Variants in PLPPR1 observed in about 807,000 individuals in gnomAD.
PLPPR1 encodes the protein phospholipid phosphatase related 1, also known as phospholipid phosphatase-related protein type 1.
PLPPR1 carries 10 observed loss-of-function variants against 33.1 expected under a neutral mutation model. The ratio of observed to expected loss-of-function variants is 0.30; its 90% CI spans 0.19 to 0.51. PLPPR1 has a LOEUF of 0.51. Ranked by LOEUF, PLPPR1 falls within the 20% of genes least tolerant of loss-of-function variation. The pLI is 0.97. For missense variants in PLPPR1, 304 were observed against 408.1 expected (o/e 0.74, Z 2.20); for synonymous variants, 151 against 151.0 (o/e 1.00, Z 0.00).
intron 7 of PLPPR1, among the ~76,000 whole-genome samples, chr9:101,321,724 G>A (rs917368730): frequency 2.7e-5 from 4 of 148,270 alleles, no homozygotes; most frequent in African/African-American, 9.8e-5. Context: ...TTCCCCATGG[G>A]GGAAAAATAT....
At chr9:101,211,973 G>A (rs1161890647) in intron 2 of PLPPR1, among the ~76,000 whole-genome samples, 1 of 152,126 alleles carries the variant, frequency 6.6e-6, no homozygotes, top group Non-Finnish European at 1.5e-5. Flanking sequence ...ACAGCTAATG[G>A]TAAAGTTAGG....
intron 3 of PLPPR1, among the ~76,000 whole-genome samples, chr9:101,285,106 T>C (rs1828369818): frequency 6.6e-6 from 1 of 152,180 alleles, no homozygotes; most frequent in African/African-American, 2.4e-5. Context: ...GAAAAGACTA[T>C]GCTGAAGTGC....
Position 101,266,261 on chromosome 9 carries a change from T to C in PLPPR1, c.64-3619T>C, listed in dbSNP as rs140423625. Among the ~76,000 whole-genome samples, 48 of 151,738 alleles carry C rather than the reference T, an allele frequency of 3.2e-4. No homozygotes were observed. The East Asian group carries it at 7.6e-3, about 24-fold the overall frequency. On this transcript the variant is annotated intron_variant, in intron 2 of 7. Transcript: ENST00000374874. ...GGTCAACATGATGAAACCTTGTCTC[T>C]ACTAAAAATACAAAAAATTAGCCAG...
At chr9:101,068,292 C>T (rs1257816534) in intron 1 of PLPPR1, among the ~76,000 whole-genome samples, 1 of 151,880 alleles carries the variant, frequency 6.6e-6, no homozygotes, top group African/African-American at 2.4e-5. Context: ...GATAACACTC[C>T]AGTGTCAGTA....
chr9:101,257,241 C>G (rs541791330), intron 2 of PLPPR1, among the ~76,000 whole-genome samples: 63 of 152,286 alleles, frequency 4.1e-4, no homozygotes, highest in African/African-American at 1.5e-3. Flanking sequence ...CACACTCCCT[C>G]TTCTTTCCCA....
chr9:101,160,609 A>G (rs1831760464), intron 1 of PLPPR1, among the ~76,000 whole-genome samples: 1 of 152,148 alleles, frequency 6.6e-6, no homozygotes. Flanking sequence ...GTGTTAAAAT[A>G]ATTTTGTTTA....
chr9:101,321,064 T>G (rs1438240565), intron 7 of PLPPR1, among the ~76,000 whole-genome samples: 1 of 152,220 alleles, frequency 6.6e-6, no homozygotes, highest in Non-Finnish European at 1.5e-5. Context: ...AGAACTTCCC[T>G]TGCAACTCCA....
chr9:101,097,043 C>T (rs1460111213), intron 1 of PLPPR1, among the ~76,000 whole-genome samples: 2 of 152,164 alleles, frequency 1.3e-5, no homozygotes, highest in South Asian at 2.1e-4. Context: ...ATGTGTATCA[C>T]CCACATGAAT....
At chr9:101,314,462 A>T in intron 6 of PLPPR1, among the ~76,000 whole-genome samples, 1 of 152,226 alleles carries the variant, frequency 6.6e-6, no homozygotes, top group East Asian at 1.9e-4. Flanking sequence ...TCTCAGAGAT[A>T]ATGCAGCTTT....
chr9:101,238,265 CCCTATATATACAT>C (rs1827366761), intron 2 of PLPPR1, among the ~76,000 whole-genome samples: 2 of 133,406 alleles, frequency 1.5e-5, no homozygotes, highest in African/African-American at 5.5e-5. Context: ...TATATATACA[CCCTATATATACAT>C]CCTATATACA....
chr9:101,141,627 G>C (rs927059280), intron 1 of PLPPR1, among the ~76,000 whole-genome samples: 1 of 152,222 alleles, frequency 6.6e-6, no homozygotes, highest in South Asian at 2.1e-4. Flanking sequence ...ATTGAACAAG[G>C]CTTAGAAAAG....
chr9:101,129,343 AC>A (rs1251667147), intron 1 of PLPPR1, among the ~76,000 whole-genome samples: 9 of 152,192 alleles, frequency 5.9e-5, no homozygotes, highest in Non-Finnish European at 1.2e-4. Context: ...GCACCATATG[AC>A]CCAGCCATTC....
intron 1 of PLPPR1, among the ~76,000 whole-genome samples, chr9:101,139,158 AAATT>A (rs1831415341): frequency 6.6e-6 from 1 of 152,198 alleles, no homozygotes; most frequent in African/African-American, 2.4e-5. Flanking sequence ...ACCCATTGCA[AAATT>A]AATTAGTTTG....
intron 4 of PLPPR1, among the ~76,000 whole-genome samples, chr9:101,302,785 C>T (rs891409384): frequency 3.3e-5 from 5 of 152,086 alleles, no homozygotes; most frequent in Admixed American, 6.6e-5. Context: ...TGGGAGGGCA[C>T]GTTTTCTCAT....
At chr9:101,317,534 C>A in intron 7 of PLPPR1, 38 bp downstream of exon 7, 1 of 1,596,442 alleles carries the variant, frequency 6.3e-7, no homozygotes, top group South Asian at 1.1e-5. Context: ...AACCCACAGG[C>A]TGAACACTTT....
At chr9:101,319,864 G>A (rs966175422) in intron 7 of PLPPR1, among the ~76,000 whole-genome samples, 1 of 152,132 alleles carries the variant, frequency 6.6e-6, no homozygotes, top group Non-Finnish European at 1.5e-5. Flanking sequence ...ACCAGTCTCT[G>A]TGTCCTTGTA....
intron 2 of PLPPR1, among the ~76,000 whole-genome samples, chr9:101,199,681 A>T (rs1479631939): frequency 6.6e-6 from 1 of 152,218 alleles, no homozygotes; most frequent in Admixed American, 6.5e-5. Context: ...GGACTGAGAC[A>T]CAGAAAAATA....
intron 2 of PLPPR1, among the ~76,000 whole-genome samples, chr9:101,224,726 G>A (rs1046025855): frequency 6.6e-6 from 1 of 152,166 alleles, no homozygotes; most frequent in Non-Finnish European, 1.5e-5. Flanking sequence ...CTCCATGTCT[G>A]TGGGTTTTCT....
intron 1 of PLPPR1, among the ~76,000 whole-genome samples, chr9:101,068,162 T>G (rs1192132582): frequency 6.6e-6 from 1 of 152,138 alleles, no homozygotes; most frequent in African/African-American, 2.4e-5. Context: ...GTCCTTATTC[T>G]AGGACCTTAC....
Sources: gnomAD v4.1 joint callset for allele counts (sites outside exome capture counted in the v4.1 genomes callset) on GRCh38, gnomAD v4.1.1 for gene constraint, MANE v1.5 for transcripts, NCBI Gene and HGNC (gene_info 2026-07-23, HGNC 2026-07-21) for gene names.